The following DLC1 variants were observed in gnomAD, a reference collection of about 807,000 sequenced individuals.
The protein encoded by DLC1 is rho GTPase-activating protein 7.
Under a neutral mutation model 140.3 loss-of-function variants are expected in DLC1, and 54 were observed. The ratio of observed to expected loss-of-function variants is 0.38; its 90% CI spans 0.31 to 0.48. The LOEUF (loss-of-function observed/expected upper bound fraction) is 0.48. DLC1 is among the 20% of genes least tolerant of loss of function. The pLI is 0.96. For missense variants in DLC1, 2,536 were observed against 1,907.0 expected, an observed-to-expected ratio of 1.33 and a Z score of -6.14; for synonymous variants, 986 against 728.1, an observed-to-expected ratio of 1.35 and a Z score of -5.70.
chr8:13,157,117 A>C (rs910171001), intron 5 of DLC1, among the ~76,000 whole-genome samples: 1 of 152,190 alleles, frequency 6.6e-6, no homozygotes, highest in Non-Finnish European at 1.5e-5. Flanking sequence ...TTAATTACCT[A>C]AGCCATAAGA....
At chr8:13,344,045 G>A (rs1398785722) in intron 4 of DLC1, among the ~76,000 whole-genome samples, 2 of 151,874 alleles carry the variant, frequency 1.3e-5, no homozygotes, top group Non-Finnish European at 2.9e-5. Flanking sequence ...CTTCTGACTT[G>A]ATATTCTCTG....
At chr8:13,472,523 T>G (rs78181036) in intron 2 of DLC1, among the ~76,000 whole-genome samples, 5,003 of 152,316 alleles carry the variant, frequency 0.033, 250 homozygotes, top group African/African-American at 0.11. Context: ...CTTGACATAC[T>G]GTGAGAATTG....
intron 5 of DLC1, among the ~76,000 whole-genome samples, chr8:13,262,098 A>T (rs1199261599): frequency 1.3e-5 from 2 of 152,174 alleles, no homozygotes; most frequent in African/African-American, 4.8e-5. Flanking sequence ...GCTACTGTGT[A>T]GTAAGGGACA....
intron 5 of DLC1, among the ~76,000 whole-genome samples, chr8:13,290,200 A>G (rs1468318659): frequency 6.6e-6 from 1 of 152,212 alleles, no homozygotes; most frequent in African/African-American, 2.4e-5. Context: ...TGCCGTACAC[A>G]CTTTGAAGTA....
chr8:13,460,468 G>T (rs549351979), intron 2 of DLC1, among the ~76,000 whole-genome samples: 1 of 152,318 alleles, frequency 6.6e-6, no homozygotes, highest in Admixed American at 6.5e-5. Context: ...TGTGGGCTTT[G>T]CAAAGGCAAA....
chr8:13,313,643 G>A (rs763600512), intron 4 of DLC1, among the ~76,000 whole-genome samples: 9 of 152,120 alleles, frequency 5.9e-5, no homozygotes, highest in East Asian at 3.9e-4. Context: ...GTATTTATTC[G>A]GAAATAATGC....
chr8:13,101,000 C>T, intron 8 of DLC1: 1 of 436,216 alleles, frequency 2.3e-6, no homozygotes, highest in Non-Finnish European at 3.9e-6. Flanking sequence ...AGTGATCCTC[C>T]CACCTGAGCC....
intron 5 of DLC1, among the ~76,000 whole-genome samples, chr8:13,279,745 C>A (rs1831300347): frequency 6.6e-6 from 1 of 152,154 alleles, no homozygotes; most frequent in South Asian, 2.1e-4. Context: ...ATTATTCTTA[C>A]ATTTTGCTTT....
chr8:13,567,140 C>A, intron 1 of DLC1: 1 of 1,551,744 alleles, frequency 6.4e-7, no homozygotes, highest in Non-Finnish European at 8.7e-7. Flanking sequence ...TCGCCCCTGA[C>A]CTCTGGGAGC....
chr8:13,299,420 C>T (rs1300820192), intron 5 of DLC1, among the ~76,000 whole-genome samples: 1 of 149,838 alleles, frequency 6.7e-6, no homozygotes, highest in Non-Finnish European at 1.5e-5. Flanking sequence ...TGCACTCCAG[C>T]CTGGGCAATA....
chr8:13,557,123 G>A (rs1345955753), intron 1 of DLC1, among the ~76,000 whole-genome samples: 1 of 152,140 alleles, frequency 6.6e-6, no homozygotes, highest in East Asian at 1.9e-4. Flanking sequence ...CTATTTCTAG[G>A]GAATTTCAGT....
intron 5 of DLC1, among the ~76,000 whole-genome samples, chr8:13,228,197 TG>T (rs896794758): frequency 4.6e-5 from 7 of 152,090 alleles, no homozygotes; most frequent in African/African-American, 1.4e-4. Context: ...GGGGATTTTT[TG>T]GGGGGATTTT....
rs139884264 is a variant in DLC1, at chr8:13,117,759, G to A, written c.1349-2102C>T. Among the ~76,000 whole-genome samples, 19 of 152,266 alleles carry A rather than the reference G, an allele frequency of 1.2e-4. No individual in the cohort carries two copies. In the East Asian group the frequency reaches 3.7e-3, roughly 29 times the overall value. Reference sequence around the variant, plus strand: ...CCCTTTTTTGACGATAGTCAGACACGGCAGTAGGTGAGCCCACATACAAAA... The same window carrying A: ...CCCTTTTTTGACGATAGTCAGACACAGCAGTAGGTGAGCCCACATACAAAA... On this transcript the variant is annotated intron_variant, in intron 5 of 17. Transcript: ENST00000276297.
intron 5 of DLC1, among the ~76,000 whole-genome samples, chr8:13,132,184 T>C (rs1822156025): frequency 6.7e-6 from 1 of 148,804 alleles, no homozygotes; most frequent in African/African-American, 2.6e-5. Context: ...CAGCGACCCA[T>C]CTCCGGGAAA....
chr8:13,512,911 T>A (rs903481568), intron 1 of DLC1, among the ~76,000 whole-genome samples: 1 of 152,026 alleles, frequency 6.6e-6, no homozygotes, highest in Non-Finnish European at 1.5e-5. Flanking sequence ...GATTTGATTT[T>A]TTTTTAAAGT....
intron 5 of DLC1, among the ~76,000 whole-genome samples, chr8:13,244,328 C>T (rs1313722802): frequency 2.0e-5 from 3 of 146,418 alleles, no homozygotes; most frequent in Non-Finnish European, 4.5e-5. Flanking sequence ...GACAGGATCT[C>T]ACTCTGTTGT....
At chr8:13,194,071 A>G (rs1370288068) in intron 5 of DLC1, among the ~76,000 whole-genome samples, 1 of 152,230 alleles carries the variant, frequency 6.6e-6, no homozygotes, top group Non-Finnish European at 1.5e-5. Flanking sequence ...CTCAGAATAA[A>G]AGAAACTTCT....
intron 6 of DLC1, among the ~76,000 whole-genome samples, chr8:13,112,450 G>T (rs945693976): frequency 1.3e-5 from 2 of 152,034 alleles, no homozygotes; most frequent in African/African-American, 2.4e-5. Context: ...TACTGACATT[G>T]TTCCCTAAAT....
chr8:13,130,656 G>A (rs968284166), intron 5 of DLC1, among the ~76,000 whole-genome samples: 1 of 152,172 alleles, frequency 6.6e-6, no homozygotes, highest in African/African-American at 2.4e-5. Flanking sequence ...TCTATTCACT[G>A]TTTAAGGAAT....
Sources: gnomAD v4.1 joint callset for allele counts (sites outside exome capture counted in the v4.1 genomes callset) on GRCh38, gnomAD v4.1.1 for gene constraint, MANE v1.5 for transcripts, NCBI Gene and HGNC (gene_info 2026-07-23, HGNC 2026-07-21) for gene names.